The following AKIRIN2 variants were observed in gnomAD, a reference collection of about 807,000 sequenced individuals.
AKIRIN2 encodes akirin 2, also known as akirin-2.
In AKIRIN2, 6 loss-of-function variants were observed where a neutral mutation model predicts 29.3. That is an observed-to-expected ratio of 0.20 (90% CI 0.11 to 0.40). The LOEUF (loss-of-function observed/expected upper bound fraction) is 0.40. Among genes scored for constraint, AKIRIN2 ranks in the 10% least tolerant of loss-of-function variants. The probability of loss-of-function intolerance (pLI) is 1.00; values close to 1 mark genes in which losing one functional copy is unlikely to be tolerated. For missense variants in AKIRIN2, 210 were observed against 276.1 expected, an observed-to-expected ratio of 0.76 and a Z score of 1.70; for synonymous variants, 128 against 117.5, an observed-to-expected ratio of 1.09 and a Z score of -0.58.
At chr6:87,691,440 T>TAAAA (rs34981397) in intron 1 of AKIRIN2, among the ~76,000 whole-genome samples, 4 of 84,836 alleles carry the variant, frequency 4.7e-5, no homozygotes, top group Non-Finnish European at 9.1e-5. Flanking sequence ...AACCTCATCT[T>TAAAA]AAAAAAAAAA....
intron 1 of AKIRIN2, among the ~76,000 whole-genome samples, chr6:87,695,694 T>A (rs1034782173): frequency 1.3e-5 from 2 of 152,210 alleles, no homozygotes; most frequent in African/African-American, 4.8e-5. Flanking sequence ...TCTAGTTTCA[T>A]GAACCAACTA....
intron 1 of AKIRIN2, among the ~76,000 whole-genome samples, chr6:87,690,757 G>C (rs1771265468): frequency 1.3e-5 from 2 of 152,124 alleles, no homozygotes; most frequent in Non-Finnish European, 2.9e-5. Context: ...CAGATGGCTT[G>C]AGGTCAGGAG....
chr6:87,679,492 T>C (rs552044604), intron 2 of AKIRIN2, among the ~76,000 whole-genome samples: 1 of 152,238 alleles, frequency 6.6e-6, no homozygotes, highest in East Asian at 1.9e-4. Flanking sequence ...AGTGAGACCC[T>C]GTCTCAAAAA....
chr6:87,684,471 T>C (rs1200761176), intron 1 of AKIRIN2, among the ~76,000 whole-genome samples: 1 of 152,216 alleles, frequency 6.6e-6, no homozygotes, highest in African/African-American at 2.4e-5. Flanking sequence ...AACGTAACTA[T>C]GATAAATAAC....
intron 1 of AKIRIN2, among the ~76,000 whole-genome samples, chr6:87,683,904 G>C (rs901765922): frequency 6.6e-6 from 1 of 151,994 alleles, no homozygotes; most frequent in African/African-American, 2.4e-5. Context: ...CACCCTCCTC[G>C]GTCTCCCAAA....
At chr6:87,676,465 A>C (rs914137449) in intron 3 of AKIRIN2, among the ~76,000 whole-genome samples, 4 of 142,642 alleles carry the variant, frequency 2.8e-5, no homozygotes, top group Non-Finnish European at 4.7e-5. Context: ...AAAAAAAAAA[A>C]AAAAAACGAG....
At chr6:87,684,191 G>A (rs982746070) in intron 1 of AKIRIN2, among the ~76,000 whole-genome samples, 2 of 152,094 alleles carry the variant, frequency 1.3e-5, no homozygotes, top group Non-Finnish European at 1.5e-5. Context: ...TGCTTCACAA[G>A]TCAACCAAAG....
In AKIRIN2 at chr6:87,677,858, A is replaced by C; in HGVS notation, c.489T>G (p.Val163=). The change falls in exon 3 of 5, where the codon GTT becomes GTG. Residue 163 remains valine (V), a synonymous_variant. Coordinates refer to ENST00000257787, the MANE Select transcript of AKIRIN2 (RefSeq NM_018064.4). ...ERLLKEREEK[V]REEYEEILNT... ...TCAATATTTCTTCATATTCTTCTCG[A>C]ACTTTCTCTTCACGTTCTTTCAACA... 1 of 1,614,098 alleles carries C rather than the reference A, an allele frequency of 6.2e-7. No individual in the cohort carries two copies. Among genetic ancestry groups the C allele is most frequent in the Non-Finnish European group, 8.5e-7 (1 of 1,179,994 alleles).
intron 1 of AKIRIN2, among the ~76,000 whole-genome samples, chr6:87,686,084 G>A (rs887852344): frequency 5.9e-5 from 9 of 151,888 alleles, no homozygotes; most frequent in Non-Finnish European, 1.2e-4. Flanking sequence ...GTGTGGTGGC[G>A]GGCCCCTGTA....
At chr6:87,691,246 C>T (rs1314824193) in intron 1 of AKIRIN2, among the ~76,000 whole-genome samples, 1 of 151,872 alleles carries the variant, frequency 6.6e-6, no homozygotes, top group Non-Finnish European at 1.5e-5. Flanking sequence ...AGTTGGAGAC[C>T]AGCCTGGCCA....
At position 87,675,514 on chromosome 6, in the gene AKIRIN2, T is replaced by A; in HGVS notation, c.*83A>T. ...TAACCTGTATTCACAGAAGGGGTAT[T>A]GGCATTGCTGCATGTCATAATTGGG... On this transcript the variant is annotated 3_prime_UTR_variant, in exon 5 of 5. Coordinates refer to ENST00000257787, the MANE Select transcript of AKIRIN2 (RefSeq NM_018064.4). 4 of 1,549,578 alleles carry A rather than the reference T, an allele frequency of 2.6e-6. No individual in the cohort carries two copies. The highest frequency in any genetic ancestry group is 3.6e-6 in the Non-Finnish European group (4 of 1,121,960).
intron 1 of AKIRIN2, among the ~76,000 whole-genome samples, chr6:87,688,453 A>G (rs962966702): frequency 1.0e-4 from 15 of 149,276 alleles, no homozygotes; most frequent in Admixed American, 3.3e-4. Flanking sequence ...TAAAAAAATA[A>G]AAAAAAAAAA....
chr6:87,699,391 C>T (rs2128303206), intron 1 of AKIRIN2, among the ~76,000 whole-genome samples: 1 of 152,220 alleles, frequency 6.6e-6, no homozygotes. Context: ...TTTAGCAAGT[C>T]AAAATTTCAA....
chr6:87,692,335 CAT>C (rs1340367302), intron 1 of AKIRIN2, among the ~76,000 whole-genome samples: 1 of 152,194 alleles, frequency 6.6e-6, no homozygotes, highest in Non-Finnish European at 1.5e-5. Flanking sequence ...CTACTATCAT[CAT>C]GTGCACATTT....
intron 1 of AKIRIN2, among the ~76,000 whole-genome samples, chr6:87,699,187 T>G (rs1771419265): frequency 6.6e-6 from 1 of 152,132 alleles, no homozygotes; most frequent in Non-Finnish European, 1.5e-5. Flanking sequence ...AAAAATCAGG[T>G]GCATGAGAAA....
At chr6:87,695,362 G>C (rs1254990746) in intron 1 of AKIRIN2, among the ~76,000 whole-genome samples, 1 of 152,034 alleles carries the variant, frequency 6.6e-6, no homozygotes, top group Non-Finnish European at 1.5e-5. Flanking sequence ...AAGAAAATTT[G>C]GTACAGAATT....
chr6:87,695,288 C>T (rs1246228096), intron 1 of AKIRIN2, among the ~76,000 whole-genome samples: 1 of 151,442 alleles, frequency 6.6e-6, no homozygotes, highest in East Asian at 1.9e-4. Flanking sequence ...TATTACGACT[C>T]GTTGGAGTCA....
intron 3 of AKIRIN2, among the ~76,000 whole-genome samples, chr6:87,676,603 A>ACGCGCGCG (rs1562395579): frequency 2.4e-4 from 16 of 66,792 alleles, no homozygotes; most frequent in African/African-American, 8.4e-4. Context: ...AAAAACACAC[A>ACGCGCGCG]CACACACACA....
intron 1 of AKIRIN2, among the ~76,000 whole-genome samples, chr6:87,697,547 A>T (rs1036512760): frequency 1.5e-4 from 23 of 152,174 alleles, no homozygotes; most frequent in Non-Finnish European, 2.6e-4. Context: ...AATAACCACA[A>T]AATATTAAAA....
Sources: gnomAD v4.1 joint callset for allele counts (sites outside exome capture counted in the v4.1 genomes callset) on GRCh38, gnomAD v4.1.1 for gene constraint, MANE v1.5 for transcripts, NCBI Gene and HGNC (gene_info 2026-07-23, HGNC 2026-07-21) for gene names.